MYO16: variants seen among roughly 807,000 people sequenced by gnomAD.
MYO16 encodes the protein myosin XVI.
Under a neutral mutation model 205.3 loss-of-function variants are expected in MYO16, and 94 were observed. The ratio of observed to expected loss-of-function variants is 0.46; its 90% confidence interval spans 0.39 to 0.54. MYO16 has a LOEUF of 0.54. Ranked by LOEUF, MYO16 falls within the 20% of genes least tolerant of loss-of-function variation. The pLI is 0.00. For missense variants in MYO16, 2,315 were observed against 2,387.5 expected (o/e 0.97, Z 0.63); for synonymous variants, 988 against 954.0 (o/e 1.04, Z -0.66).
the MYO16 span, among the ~76,000 whole-genome samples, chr13:108,518,664 C>T: frequency 6.6e-6 from 1 of 152,146 alleles, no homozygotes; most frequent in Non-Finnish European, 1.5e-5. Context: ...CAAATAATTA[C>T]TACTTGAAGA....
chr13:108,868,218 C>T (rs140683538), intron 12 of MYO16, among the ~76,000 whole-genome samples: 31 of 152,124 alleles, frequency 2.0e-4, no homozygotes, highest in Middle Eastern at 6.8e-3. Context: ...TGATAAATAT[C>T]GACAATTTTC....
intron 22 of MYO16, among the ~76,000 whole-genome samples, chr13:109,016,025 C>T (rs781460584): frequency 1.1e-4 from 17 of 151,874 alleles, no homozygotes; most frequent in African/African-American, 3.9e-4. Flanking sequence ...TCTTTGCTCT[C>T]GCTTCTCTAG....
rs765414272 is a variant in MYO16 at position 109,206,662 on chromosome 13, CT to C, written c.5471del (p.Leu1824TrpfsTer37). On this transcript the variant is annotated frameshift_variant, in exon 35 of 35. Coordinates refer to ENST00000457511, the MANE Select transcript of MYO16 (RefSeq NM_001198950.3). LOFTEE classifies it high-confidence loss of function. ...ENESVALQELLDWRRKLCEEG... is the reference protein window; with the variant it reads ...ENESVALQELXDWRRKLCEEG... The stretch of plus-strand genomic sequence containing the variant: ...ATGAAAGTGTGGCCCTGCAGGAACT[CT>C]TGGACTGGAGGAGAAAGCTCTGTGA... The C allele has an allele frequency of 6.2e-7, 1 of 1,614,120 alleles. No homozygotes were observed. Among genetic ancestry groups the C allele is most frequent in the Non-Finnish European group, 8.5e-7 (1 of 1,180,008 alleles).
chr13:109,135,742 G>C (rs937154318), intron 31 of MYO16, among the ~76,000 whole-genome samples: 8 of 152,184 alleles, frequency 5.3e-5, no homozygotes, highest in Non-Finnish European at 1.5e-5. Flanking sequence ...TCATTTAAAA[G>C]CTTTGTGACT....
intron 1 of MYO16, among the ~76,000 whole-genome samples, chr13:108,655,543 G>A (rs1255053684): frequency 6.6e-6 from 1 of 152,126 alleles, no homozygotes; most frequent in Non-Finnish European, 1.5e-5. Context: ...GCCTCCACTG[G>A]GGCACTGCCT....
chr13:108,823,869 C>G (rs1387760847), intron 9 of MYO16, among the ~76,000 whole-genome samples: 1 of 152,046 alleles, frequency 6.6e-6, no homozygotes, highest in Admixed American at 6.6e-5. Flanking sequence ...TCCAGAGTTT[C>G]TCTTTGCCAG....
the MYO16 span, among the ~76,000 whole-genome samples, chr13:108,553,829 T>C: frequency 6.6e-6 from 1 of 152,118 alleles, no homozygotes; most frequent in African/African-American, 2.4e-5. Context: ...CCACCTGGGG[T>C]CAGTCATCAA....
the MYO16 span, among the ~76,000 whole-genome samples, chr13:108,548,183 G>A: frequency 1.3e-5 from 2 of 150,934 alleles, no homozygotes; most frequent in African/African-American, 4.9e-5. Flanking sequence ...GTACCATGGT[G>A]TATTACTGCT....
intron 21 of MYO16, among the ~76,000 whole-genome samples, chr13:109,001,437 G>A (rs868316950): frequency 8.5e-5 from 13 of 152,138 alleles, no homozygotes; most frequent in African/African-American, 3.1e-4. Flanking sequence ...TATCGGCAGA[G>A]GTAGTATCCT....
intron 1 of MYO16, among the ~76,000 whole-genome samples, chr13:108,597,636 T>C (rs1056931245): frequency 2.0e-5 from 3 of 152,196 alleles, no homozygotes; most frequent in African/African-American, 7.2e-5. Flanking sequence ...TTTTATAAAA[T>C]GCAATTGGTA....
intron 22 of MYO16, among the ~76,000 whole-genome samples, chr13:109,010,957 T>TTTTATATATATATATATA (rs1885571054): frequency 8.4e-6 from 1 of 118,572 alleles, no homozygotes; most frequent in Non-Finnish European, 1.8e-5. Flanking sequence ...ACATATAATA[T>TTTTATATATATATATATA]TATATATATA....
chr13:108,742,207 T>A (rs1031597605), intron 4 of MYO16, among the ~76,000 whole-genome samples: 1 of 152,104 alleles, frequency 6.6e-6, no homozygotes, highest in Non-Finnish European at 1.5e-5. Context: ...TTGGCCAGGC[T>A]GGTCTTGAAC....
At chr13:109,005,472 T>C (rs1419368986) in intron 21 of MYO16, among the ~76,000 whole-genome samples, 2 of 152,212 alleles carry the variant, frequency 1.3e-5, no homozygotes, top group East Asian at 1.9e-4. Context: ...TATTTTAATA[T>C]GGTTATTACT....
chr13:108,803,604 T>C (rs761522224), intron 6 of MYO16, among the ~76,000 whole-genome samples: 1 of 152,202 alleles, frequency 6.6e-6, no homozygotes, highest in South Asian at 2.1e-4. Flanking sequence ...TACCCAGGCC[T>C]ACATCACACT....
chr13:108,912,799 A>G (rs1488318568), intron 16 of MYO16, among the ~76,000 whole-genome samples: 2 of 152,028 alleles, frequency 1.3e-5, no homozygotes, highest in African/African-American at 4.8e-5. Context: ...TCAAGCAGAT[A>G]CGTAGCTTAG....
At chr13:109,008,068 G>A (rs190489369) in intron 21 of MYO16, among the ~76,000 whole-genome samples, 57 of 152,182 alleles carry the variant, frequency 3.7e-4, no homozygotes, top group Admixed American at 8.5e-4. Flanking sequence ...CATACTTTTC[G>A]TTGTTTTTAG....
intron 4 of MYO16, among the ~76,000 whole-genome samples, chr13:108,772,414 C>A (rs570624020): frequency 6.6e-6 from 1 of 152,186 alleles, no homozygotes; most frequent in Admixed American, 6.5e-5. Context: ...GTGCCTGTAC[C>A]ATTTTGCATT....
At chr13:109,098,311 G>T (rs998970987) in intron 27 of MYO16, among the ~76,000 whole-genome samples, 2 of 152,204 alleles carry the variant, frequency 1.3e-5, no homozygotes, top group African/African-American at 4.8e-5. Context: ...CCAATGAGAA[G>T]TAAGTTTTGT....
rs112950856 is a variant in MYO16, at chr13:108,975,619, C to T, written c.2369+10717C>T. 4.3e-3 allele frequency among the ~76,000 whole-genome samples: 656 copies of T among 152,160 alleles called. 3 individuals carry two copies. The highest frequency in any genetic ancestry group is 0.014 in the African/African-American group (583 of 41,512). ...AAAAGGGTGTAAACACCTCATTTTC[C>T]CAGCCATGCTTCCTTATAGACACGT... is the stretch of plus-strand genomic sequence containing the variant. On this transcript the variant is annotated intron_variant, in intron 20 of 34. Coordinates refer to ENST00000457511, the MANE Select transcript of MYO16 (RefSeq NM_001198950.3).
Sources: gnomAD v4.1 joint callset for allele counts (sites outside exome capture counted in the v4.1 genomes callset) on GRCh38, gnomAD v4.1.1 for gene constraint, MANE v1.5 for transcripts, NCBI Gene and HGNC (gene_info 2026-07-23, HGNC 2026-07-21) for gene names.